The following PIP5K1B variants were observed in gnomAD, a reference collection of about 807,000 sequenced individuals.
PIP5K1B encodes phosphatidylinositol-4-phosphate 5-kinase type 1 beta, also known as phosphatidylinositol 4-phosphate 5-kinase type-1 beta.
Under a neutral mutation model 67.0 loss-of-function variants are expected in PIP5K1B, and 42 were observed. The observed-to-expected ratio is 0.63, with a 90% CI of 0.49 to 0.81. The LOEUF (loss-of-function observed/expected upper bound fraction) is 0.81, where lower values mean the gene tolerates loss of function less well. PIP5K1B is among the 30% of genes least tolerant of loss of function. PIP5K1B has a pLI of 0.00. For missense variants in PIP5K1B, 459 were observed against 646.3 expected (o/e 0.71, Z 3.14); for synonymous variants, 214 against 231.4 (o/e 0.92, Z 0.68).
At chr9:68,773,382 G>T (rs1182668067) in intron 2 of PIP5K1B, among the ~76,000 whole-genome samples, 1 of 152,120 alleles carries the variant, frequency 6.6e-6, no homozygotes, top group African/African-American at 2.4e-5. Context: ...CACCAAGGAG[G>T]TTCCTCTGAG....
intron 1 of PIP5K1B, among the ~76,000 whole-genome samples, chr9:68,724,598 A>G (rs894192190): frequency 6.6e-6 from 1 of 152,040 alleles, no homozygotes; most frequent in African/African-American, 2.4e-5. Context: ...TGTCCTCTTC[A>G]ATTTCTTTCA....
At chr9:69,004,238 C>T (rs1830956521) in intron 15 of PIP5K1B, among the ~76,000 whole-genome samples, 1 of 152,102 alleles carries the variant, frequency 6.6e-6, no homozygotes, top group Non-Finnish European at 1.5e-5. Flanking sequence ...ACACTTTTTA[C>T]TGTCAGGTAT....
At position 68,705,505 on chromosome 9, in the gene PIP5K1B, G is replaced by T. The variant is rs1827075923; in HGVS notation, c.-500G>T. 6.6e-6 allele frequency: 1 copy of T among 151,242 alleles called. No individual in the cohort carries two copies. The highest frequency in any genetic ancestry group is 2.4e-5 in the African/African-American group (1 of 41,300). The allele number at this position is 151,242 out of a possible 1,614,324, so 9.4% of individuals were successfully genotyped here. A position where few individuals can be genotyped will look rare whatever the true frequency, so the allele number is the denominator to read the frequency against. ...GGCGCGCGCGCACTGCACACTCGTAGCCGCGCGCCCCCGCCAAGGCGCGTC... is the reference window on the plus strand; with the variant it reads ...GGCGCGCGCGCACTGCACACTCGTATCCGCGCGCCCCCGCCAAGGCGCGTC... On this transcript the variant is annotated 5_prime_UTR_variant, in exon 1 of 16. Coordinates refer to ENST00000265382, the MANE Select transcript of PIP5K1B (RefSeq NM_003558.4).
chr9:68,707,056 C>T (rs983515008), intron 1 of PIP5K1B, among the ~76,000 whole-genome samples: 7 of 152,124 alleles, frequency 4.6e-5, no homozygotes, highest in African/African-American at 9.7e-5. Context: ...AAACCTTAAT[C>T]GGCCAAGTGT....
chr9:68,988,081 T>C (rs764701251), intron 14 of PIP5K1B, among the ~76,000 whole-genome samples: 2 of 152,160 alleles, frequency 1.3e-5, no homozygotes, highest in Non-Finnish European at 2.9e-5. Flanking sequence ...CTGATGGGCT[T>C]ATGGGTAAAG....
At chr9:68,735,212 CT>C (rs1368617189) in intron 1 of PIP5K1B, among the ~76,000 whole-genome samples, 2 of 150,994 alleles carry the variant, frequency 1.3e-5, no homozygotes, top group African/African-American at 4.9e-5. Context: ...CCAGTTTCCC[CT>C]ATCTTTATCT....
At chr9:68,763,104 G>GA (rs1311464025) in intron 2 of PIP5K1B, among the ~76,000 whole-genome samples, 6 of 152,092 alleles carry the variant, frequency 3.9e-5, no homozygotes, top group African/African-American at 1.4e-4. Context: ...GATGGACCGG[G>GA]ATATCTGGGT....
intron 11 of PIP5K1B, among the ~76,000 whole-genome samples, chr9:68,922,174 A>C (rs1826437143): frequency 1.3e-5 from 2 of 152,154 alleles, no homozygotes; most frequent in Non-Finnish European, 1.5e-5. Flanking sequence ...ATTTTAAAAG[A>C]TGTAGCAGGG....
intron 14 of PIP5K1B, among the ~76,000 whole-genome samples, chr9:68,987,125 G>GGTC (rs1830126333): frequency 6.6e-6 from 1 of 151,960 alleles, no homozygotes; most frequent in Non-Finnish European, 1.5e-5. Flanking sequence ...GGTGGCATAC[G>GGTC]CCTGTAATCT....
intron 4 of PIP5K1B, among the ~76,000 whole-genome samples, chr9:68,826,475 A>G (rs898242307): frequency 2.0e-5 from 3 of 152,254 alleles, no homozygotes; most frequent in African/African-American, 4.8e-5. Context: ...AATAACAGCA[A>G]CTAATTCAAA....
intron 8 of PIP5K1B, among the ~76,000 whole-genome samples, chr9:68,902,266 C>T (rs1825401675): frequency 1.3e-5 from 2 of 152,196 alleles, no homozygotes; most frequent in African/African-American, 2.4e-5. Context: ...CAGCTACCTC[C>T]TTCCCTCACA....
chr9:68,896,265 T>G (rs1328677346), intron 8 of PIP5K1B, among the ~76,000 whole-genome samples: 1 of 152,202 alleles, frequency 6.6e-6, no homozygotes, highest in Non-Finnish European at 1.5e-5. Flanking sequence ...GTTTTAAGTT[T>G]GCTTTCTCTT....
chr9:68,781,127 T>A, intron 2 of PIP5K1B: 1 of 1,448,032 alleles, frequency 6.9e-7, no homozygotes, highest in Non-Finnish European at 9.3e-7. Context: ...CTATTTCCTA[T>A]TTGACCCCTT....
intron 1 of PIP5K1B, among the ~76,000 whole-genome samples, chr9:68,725,070 C>A (rs1193792562): frequency 1.3e-5 from 2 of 152,202 alleles, no homozygotes; most frequent in Non-Finnish European, 2.9e-5. Flanking sequence ...TTATCATTCT[C>A]ACTATTTTAA....
intron 14 of PIP5K1B, among the ~76,000 whole-genome samples, chr9:68,972,895 G>C (rs762420627): frequency 5.9e-5 from 9 of 152,206 alleles, no homozygotes; most frequent in Non-Finnish European, 1.0e-4. Flanking sequence ...GGGACCAGGA[G>C]ACAATGAGGA....
chr9:68,896,920 C>G (rs75497437), intron 8 of PIP5K1B, among the ~76,000 whole-genome samples: 1,943 of 152,272 alleles, frequency 0.013, 56 homozygotes, highest in African/African-American at 0.045. Flanking sequence ...TCTTGGAGCC[C>G]GTTGTTCCTT....
intron 2 of PIP5K1B, among the ~76,000 whole-genome samples, chr9:68,748,387 AG>A (rs1304480316): frequency 1.3e-5 from 2 of 152,222 alleles, no homozygotes; most frequent in African/African-American, 4.8e-5. Context: ...CAAATGCTAA[AG>A]AAGCATGTGT....
At chr9:69,001,902 G>A (rs938082156) in intron 15 of PIP5K1B, among the ~76,000 whole-genome samples, 18 of 152,200 alleles carry the variant, frequency 1.2e-4, no homozygotes, top group African/African-American at 4.1e-4. Flanking sequence ...GGCTTCTCTT[G>A]GGTCCTTAGG....
At chr9:68,831,600 T>C (rs879194227) in intron 4 of PIP5K1B, among the ~76,000 whole-genome samples, 1 of 152,180 alleles carries the variant, frequency 6.6e-6, no homozygotes, top group Admixed American at 6.5e-5. Flanking sequence ...AAAACAGTGA[T>C]TCTCAATTAT....
Sources: allele counts gnomAD v4.1 joint callset (sites outside exome capture counted in the v4.1 genomes callset), GRCh38; gene constraint gnomAD v4.1.1; transcripts MANE v1.5; gene names NCBI Gene and HGNC (gene_info 2026-07-23, HGNC 2026-07-21).